NR4A2: variants seen among roughly 807,000 people sequenced by gnomAD.
NR4A2 encodes the protein NGFI-B/nur77 beta-type transcription factor homolog.
In NR4A2, 1 loss-of-function variant was observed where a neutral mutation model predicts 50.5. The ratio of observed to expected loss-of-function variants is 0.02; its 90% CI spans 0.01 to 0.09. The LOEUF (loss-of-function observed/expected upper bound fraction) is 0.09. Among genes scored for constraint, NR4A2 ranks in the 10% least tolerant of loss-of-function variants. NR4A2 has a pLI of 1.00. For synonymous variants in NR4A2, 328 were observed against 309.4 expected, an observed-to-expected ratio of 1.06 and a Z score of -0.63; for missense variants, 613 against 777.3, an observed-to-expected ratio of 0.79 and a Z score of 2.51.
Position 156,325,801 on chromosome 2 carries a change from G to A in NR4A2, c.1740C>T (p.Asp580=), listed in dbSNP as rs138383399. The A allele has an allele frequency of 6.2e-7, 1 of 1,614,176 alleles. No homozygotes were observed. Among genetic ancestry groups the A allele is most frequent in the Non-Finnish European group, 8.5e-7 (1 of 1,180,024 alleles). Residue 580 remains aspartate (D), a synonymous_variant, in exon 8 of 8, where the codon GAC becomes GAT. Transcript: ENST00000339562. ...LQRIFYLKLE[D]LVPPPAIIDK... is the part of the protein sequence containing the mutation. ...CAATTATTGCTGGCGGTGGCACCAAGTCTTCCAATTTCAGGTAGAAAATGC... is the reference window on the plus strand; with the variant it reads ...CAATTATTGCTGGCGGTGGCACCAAATCTTCCAATTTCAGGTAGAAAATGC...
rs1218231676 is a variant in NR4A2, at chr2:156,329,123, T to C, written c.864+200A>G. On this transcript the variant is annotated intron_variant, in intron 3 of 7. Transcript: ENST00000339562. This position sits in a 1 kb window ranked among gnomAD's most constrained non-coding sequence, Gnocchi z 7.5. Reference sequence around the variant, plus strand: ...GATGCGACCCTGGCCTCCCAGTCTTTCTGCTTCCCTTTCTCAGACACCCGG... The same window carrying C: ...GATGCGACCCTGGCCTCCCAGTCTTCCTGCTTCCCTTTCTCAGACACCCGG... Among the ~76,000 whole-genome samples the C allele has an allele frequency of 1.3e-5, 2 of 152,208 alleles. No individual in the cohort carries two copies. Among genetic ancestry groups the C allele is most frequent in the Non-Finnish European group, 2.9e-5 (2 of 68,040 alleles).
chr2:156,327,122 G>T lies in NR4A2; in HGVS notation c.1159-202C>A, dbSNP rs74472286. The stretch of plus-strand genomic sequence containing the variant: ...GGTCGCTGCTTTAAATATGTAAATT[G>T]CCATTTCCATACAGACTAAATACAG... On this transcript the variant is annotated intron_variant, in intron 5 of 7. Transcript: ENST00000339562. Among the ~76,000 whole-genome samples, 487 of 152,248 alleles carry T rather than the reference G, an allele frequency of 3.2e-3. 5 individuals are homozygous for T. Among genetic ancestry groups the T allele is most frequent in the Middle Eastern group, 0.01 (3 of 294 alleles).
In NR4A2 at chr2:156,332,572, G is replaced by A. The variant is rs1686981918; in HGVS notation, c.-219C>T. 1 of 1,175,898 alleles carries A rather than the reference G, an allele frequency of 8.5e-7. No homozygotes were observed. The allele number at this position is 1,175,898 out of a possible 1,614,324, so 72.8% of individuals were successfully genotyped here. A position where few individuals can be genotyped will look rare whatever the true frequency, so the allele number is the denominator to read the frequency against. On this transcript the variant is annotated 5_prime_UTR_variant, in exon 1 of 8. Coordinates refer to ENST00000339562, the MANE Select transcript of NR4A2 (RefSeq NM_006186.4). ...GGGCGCCGGGGTCGGGTAGGGGTGGGAGAGCTGGGCGAAGGGAACCCGGAC... is the reference window on the plus strand; with the variant it reads ...GGGCGCCGGGGTCGGGTAGGGGTGGAAGAGCTGGGCGAAGGGAACCCGGAC...
intron 1 of NR4A2, among the ~76,000 whole-genome samples, chr2:156,331,281 C>A (rs1686911947): frequency 6.6e-6 from 1 of 152,130 alleles, no homozygotes; most frequent in African/African-American, 2.4e-5. Context: ...TTCCCCCTTA[C>A]AAAATGTTAG....
chr2:156,327,039 AC>A, intron 5 of NR4A2, 119 bp from the exon 6 acceptor site: 1 of 893,020 alleles, frequency 1.1e-6, no homozygotes. Flanking sequence ...CCTCTCTCTG[AC>A]CAGTAAGGAA....
At chr2:156,331,646 T>A (rs555507210) in intron 1 of NR4A2, 1 of 152,244 alleles carries the variant, frequency 6.6e-6, no homozygotes, top group African/African-American at 2.4e-5. Context: ...TTTTCAGATG[T>A]TCCCACTTGG....
In NR4A2 at chr2:156,332,526, T is replaced by G. The variant is rs1482829401; in HGVS notation, c.-173A>C. 1 of 1,289,066 alleles carries G rather than the reference T, an allele frequency of 7.8e-7. No homozygotes were observed. Among genetic ancestry groups the G allele is most frequent in the South Asian group, 1.2e-5 (1 of 81,024 alleles). The allele number at this position is 1,289,066 out of a possible 1,614,324, so 79.9% of individuals were successfully genotyped here. On this transcript the variant is annotated 5_prime_UTR_variant, in exon 1 of 8. Transcript: ENST00000339562. The stretch of plus-strand genomic sequence containing the variant: ...CTTCATTCATTCAACTCTGCCGAAG[T>G]GCAGTTCCCTCTGGGAGCCCGGGCG...
In NR4A2 at chr2:156,328,139, T is replaced by A; in HGVS notation, c.995-125A>T. ...CTGAGCGGCTGAGGGCCCCAGTGCTTGTAAAGCCTTCACTGACTAGAAGCA... is the reference window on the plus strand; with the variant it reads ...CTGAGCGGCTGAGGGCCCCAGTGCTAGTAAAGCCTTCACTGACTAGAAGCA... On this transcript the variant is annotated intron_variant, in intron 4 of 7. Coordinates refer to ENST00000339562, the MANE Select transcript of NR4A2 (RefSeq NM_006186.4). The surrounding 1 kb of genome is among the most constrained non-coding windows in gnomAD (Gnocchi z 4.9). 1 of 1,295,830 alleles carries A rather than the reference T, an allele frequency of 7.7e-7. No homozygotes were observed. The allele number at this position is 1,295,830 out of a possible 1,614,324, so 80.3% of individuals were successfully genotyped here.
rs1686553077 is a variant in NR4A2 at position 156,324,457 on chromosome 2, T to C, written c.*1287A>G. ...TTCTGTTCATTTACATGGTTTATTG[T>C]TGTAAACATTAAAATTGTCTTTCTC... On this transcript the variant is annotated 3_prime_UTR_variant, in exon 8 of 8. Coordinates refer to ENST00000339562, the MANE Select transcript of NR4A2 (RefSeq NM_006186.4). The C allele has an allele frequency of 6.6e-6, 1 of 152,370 alleles. No individual in the cohort carries two copies. The highest frequency in any genetic ancestry group is 1.5e-5 in the Non-Finnish European group (1 of 68,044). 9.4% of individuals were successfully genotyped at this position (152,370 alleles called of 1,614,324 possible). A position where few individuals can be genotyped will look rare whatever the true frequency, so the allele number is the denominator to read the frequency against.
Position 156,329,455 on chromosome 2 carries a change from G to T in NR4A2, c.732C>A (p.Leu244=), listed in dbSNP as rs16840266. The stretch of plus-strand genomic sequence containing the variant: ...ACGGCGGTGAGGGCACCTGCGTGTC[G>T]AGCAGCTGAGACGCGTGGCCGATCT... ...GLQIGHASQL[L]DTQVPSPPSR... Residue 244 remains leucine (L), a synonymous_variant, in exon 3 of 8, where the codon CTC becomes CTA. Transcript: ENST00000339562. This position sits in a 1 kb window ranked among gnomAD's most constrained non-coding sequence, Gnocchi z 7.5. 1,350 of 1,608,200 alleles carry T rather than the reference G, an allele frequency of 8.4e-4. 11 individuals carry two copies. The highest frequency in any genetic ancestry group is 8.6e-4 in the Non-Finnish European group (1,013 of 1,179,070).
rs1478451711 is a variant in NR4A2 at position 156,326,915 on chromosome 2, C to T, written c.1164G>A (p.Gln388=). 9.9e-6 allele frequency: 16 copies of T among 1,614,104 alleles called. No individual in the cohort carries two copies. Among genetic ancestry groups the T allele is most frequent in the Non-Finnish European group, 1.3e-5 (15 of 1,179,986 alleles). Residue 388 remains glutamine, a synonymous_variant, in exon 6 of 8, where the codon CAG becomes CAA. Coordinates refer to ENST00000339562, the MANE Select transcript of NR4A2 (RefSeq NM_006186.4). This position sits in a 1 kb window ranked among gnomAD's most constrained non-coding sequence, Gnocchi z 4.2. ...CACTCATTTGATAGTCAGGGTTCGC[C>T]TGGAACTGGAATTTCATTTTAAAAA... is the stretch of plus-strand genomic sequence containing the variant. The part of the protein sequence containing the change: ...AMTSLDYSRF[Q]ANPDYQMSGD...
chr2:156,330,097 G>A lies in NR4A2; in HGVS notation c.90C>T (p.Tyr30=), dbSNP rs1408876575. The A allele has an allele frequency of 6.2e-7, 1 of 1,614,182 alleles. No individual in the cohort carries two copies. Among genetic ancestry groups the A allele is most frequent in the East Asian group, 2.2e-5 (1 of 44,874 alleles). The change falls in exon 3 of 8, where the codon TAC becomes TAT. Residue 30 remains tyrosine (Y), a synonymous_variant. Transcript: ENST00000339562. ...ACTCTGGAGTTAAGAAATCGGAGCT[G>A]TATTCTCCCGAAGAGTGGTAACTGT... is the stretch of plus-strand genomic sequence containing the variant. The part of the protein sequence containing the change: ...QSYSYHSSGE[Y]SSDFLTPEFV...
chr2:156,329,506 G>T lies in NR4A2; in HGVS notation c.681C>A (p.Pro227=), dbSNP rs377406638. The change falls in exon 3 of 8, where the codon CCC becomes CCA. Residue 227 remains proline, a synonymous_variant. Transcript: ENST00000339562. The surrounding 1 kb of genome is among the most constrained non-coding windows in gnomAD (Gnocchi z 7.5). Reference sequence around the variant, plus strand: ...GCAGGCCCGGGAAGCCCATGGACGCGGGCTTGCGAATGGGGTTGGGCACAG... The same window carrying T: ...GCAGGCCCGGGAAGCCCATGGACGCTGGCTTGCGAATGGGGTTGGGCACAG... ...TFAVPNPIRK[P]ASMGFPGLQI... The T allele has an allele frequency of 7.4e-5, 118 of 1,605,138 alleles. No homozygotes were observed. Among genetic ancestry groups the T allele is most frequent in the Non-Finnish European group, 9.9e-5 (116 of 1,176,274 alleles).
intron 5 of NR4A2, among the ~76,000 whole-genome samples, chr2:156,327,210 C>G (rs185090551): frequency 6.6e-6 from 1 of 152,334 alleles, no homozygotes. Context: ...TGTTAGTATT[C>G]ATGCTAGTCC....
At position 156,325,545 on chromosome 2, in the gene NR4A2, G is replaced by T; in HGVS notation, c.*199C>A. ...GAGCCAAAATGCCCTTTCAGGTTCTGCCTGCAGGTTAGGAAATAGCAACAG... is the reference window on the plus strand; with the variant it reads ...GAGCCAAAATGCCCTTTCAGGTTCTTCCTGCAGGTTAGGAAATAGCAACAG... On this transcript the variant is annotated 3_prime_UTR_variant, in exon 8 of 8. Coordinates refer to ENST00000339562, the MANE Select transcript of NR4A2 (RefSeq NM_006186.4). The T allele has an allele frequency of 1.4e-6, 1 of 693,220 alleles. No homozygotes were observed. 42.9% of individuals were successfully genotyped at this position (693,220 alleles called of 1,614,324 possible).
chr2:156,328,155 A>C lies in NR4A2; in HGVS notation c.995-141T>G. ...CCCAGTGCTTGTAAAGCCTTCACTGACTAGAAGCATTAAAAAATGCGGGGT... is the reference window on the plus strand; with the variant it reads ...CCCAGTGCTTGTAAAGCCTTCACTGCCTAGAAGCATTAAAAAATGCGGGGT... On this transcript the variant is annotated intron_variant, in intron 4 of 7. Coordinates refer to ENST00000339562, the MANE Select transcript of NR4A2 (RefSeq NM_006186.4). This position sits in a 1 kb window ranked among gnomAD's most constrained non-coding sequence, Gnocchi z 4.9. 1 of 1,190,856 alleles carries C rather than the reference A, an allele frequency of 8.4e-7. No individual in the cohort carries two copies. Among genetic ancestry groups the C allele is most frequent in the Non-Finnish European group, 1.2e-6 (1 of 832,634 alleles). 73.8% of individuals were successfully genotyped at this position (1,190,856 alleles called of 1,614,324 possible).
Position 156,328,369 on chromosome 2 carries a change from G to T in NR4A2, c.994+35C>A. 6.2e-7 allele frequency: 1 copy of T among 1,613,918 alleles called. No homozygotes were observed. Among genetic ancestry groups the T allele is most frequent in the Non-Finnish European group, 8.5e-7 (1 of 1,179,898 alleles). On this transcript the variant is annotated intron_variant, in intron 4 of 7. Transcript: ENST00000339562. This position sits in a 1 kb window ranked among gnomAD's most constrained non-coding sequence, Gnocchi z 4.9. ...GTATGAGCAGTGGTTTCCTAAAGGC[G>T]CAAACTGGAGGGTCGGCAGCTCCCC...
rs998549693 is a variant in NR4A2 at position 156,329,496 on chromosome 2, C to T, written c.691G>A (p.Gly231Ser). The T allele has an allele frequency of 1.9e-6, 3 of 1,605,510 alleles. No homozygotes were observed. The highest frequency in any genetic ancestry group is 2.5e-6 in the Non-Finnish European group (3 of 1,176,602). ...TGGCCGATCTGCAGGCCCGGGAAGC[C>T]CATGGACGCGGGCTTGCGAATGGGG... ...PNPIRKPASMGFPGLQIGHAS... is the reference protein window; with the variant it reads ...PNPIRKPASMSFPGLQIGHAS... Residue 231 changes from glycine (G) to serine (S), a missense_variant, in exon 3 of 8, where the codon GGC (glycine) becomes AGC (serine). By Grantham distance (56) the Gly-to-Ser change is moderately conservative (BLOSUM62 0). This residue lies in a region of NR4A2 where 275 missense variants were observed against 248.9 expected (regional missense o/e 1.10). Coordinates refer to ENST00000339562, the MANE Select transcript of NR4A2 (RefSeq NM_006186.4). The surrounding 1 kb of genome is among the most constrained non-coding windows in gnomAD (Gnocchi z 7.5).
At chr2:156,330,221 C>T (rs1180044200) in intron 2 of NR4A2, 33 bp from the exon 3 acceptor site, 14 of 1,611,822 alleles carry the variant, frequency 8.7e-6, no homozygotes, top group Non-Finnish European at 5.1e-6. Flanking sequence ...ACACACTCAG[C>T]CTGGTCAACT....
Sources: gnomAD v4.1 joint callset for allele counts (sites outside exome capture counted in the v4.1 genomes callset) on GRCh38, gnomAD v4.1.1 for gene constraint, gnomAD v4.1.1 regional missense constraint, Gnocchi (gnomAD v3.1) non-coding constraint, MANE v1.5 for transcripts, NCBI Gene and HGNC (gene_info 2026-07-23, HGNC 2026-07-21) for gene names.